Variants in TMF1 observed in about 807,000 individuals in gnomAD.
TMF1 encodes the protein TATA element modulatory factor.
TMF1 carries 71 observed loss-of-function variants against 126.5 expected under a neutral mutation model. That is an observed-to-expected ratio of 0.56 (90% CI 0.46 to 0.68). The LOEUF (loss-of-function observed/expected upper bound fraction) is 0.68. Ranked by LOEUF, TMF1 falls within the 30% of genes least tolerant of loss-of-function variation. TMF1 has a pLI of 0.00. For synonymous variants in TMF1, 461 were observed against 430.5 expected (o/e 1.07, Z -0.88); for missense variants, 1,259 against 1,253.2 (o/e 1.00, Z -0.07).
intron 10 of TMF1, chr3:69,030,628 GACAGAA>G (rs1190757032): frequency 2.0e-5 from 3 of 152,022 alleles, no homozygotes; most frequent in Non-Finnish European, 4.4e-5. Flanking sequence ...AAACGACATA[GACAGAA>G]ATTTCACCAT....
chr3:69,020,314 A>C lies in TMF1; in HGVS notation c.*2863T>G, dbSNP rs1360182178. 1.3e-5 allele frequency: 2 copies of C among 152,194 alleles called. No individual in the cohort carries two copies. The highest frequency in any genetic ancestry group is 6.5e-5 in the Admixed American group (1 of 15,288). The allele number at this position is 152,194 out of a possible 1,614,324, so 9.4% of individuals were successfully genotyped here. A position where few individuals can be genotyped will look rare whatever the true frequency, so the allele number is the denominator to read the frequency against. On this transcript the variant is annotated 3_prime_UTR_variant, in exon 17 of 17. Coordinates refer to ENST00000398559, the MANE Select transcript of TMF1 (RefSeq NM_007114.3). ...ATATATTTGGTACATTCCACATGCT[A>C]AACACTGTACAACTGGCAATTCTCA...
chr3:69,030,022 GAA>G lies in TMF1; in HGVS notation c.2402-17_2402-16del. 1 of 1,571,654 alleles carries G rather than the reference GAA, an allele frequency of 6.4e-7. No homozygotes were observed. On this transcript the variant is annotated splice_polypyrimidine_tract_variant and intron_variant, in intron 10 of 16. Transcript: ENST00000398559. ...CTGGGATTCACCTGATTACAGGACA[GAA>G]AAAAAAATCACATACACATACAGCC...
In TMF1 at chr3:69,043,802, T is replaced by C; in HGVS notation, c.1526A>G (p.Glu509Gly). The change falls in exon 4 of 17, where the codon GAA becomes GGA. Residue 509 changes from glutamate (E) to glycine (G), a missense_variant. Transcript: ENST00000398559. ...GGCTAGTTGAACTTTCTTTTCTGCT[T>C]CTGCAATTCTTTGAGTAAACTCATC... ...LKDEFTQRIA[E>G]AEKKVQLACK... is the part of the protein sequence containing the mutation. 1.9e-6 allele frequency: 3 copies of C among 1,612,734 alleles called. No individual in the cohort carries two copies. The highest frequency in any genetic ancestry group is 2.5e-6 in the Non-Finnish European group (3 of 1,179,402).
In TMF1 at chr3:69,039,708, G is replaced by A; in HGVS notation, c.1685-15C>T. 2 of 1,605,710 alleles carry A rather than the reference G, an allele frequency of 1.2e-6. No homozygotes were observed. The highest frequency in any genetic ancestry group is 1.7e-6 in the Non-Finnish European group (2 of 1,177,720). Reference sequence around the variant, plus strand: ...AAGTTTTTCTCCTGGTGATGGTAAAGAAGTATAAACTCAAATGATAACTAT... The same window carrying A: ...AAGTTTTTCTCCTGGTGATGGTAAAAAAGTATAAACTCAAATGATAACTAT... On this transcript the variant is annotated splice_polypyrimidine_tract_variant and intron_variant, in intron 5 of 16. Coordinates refer to ENST00000398559, the MANE Select transcript of TMF1 (RefSeq NM_007114.3).
intron 9 of TMF1, 183 bp downstream of exon 9, chr3:69,034,840 T>C: frequency 1.7e-6 from 1 of 598,828 alleles, no homozygotes; most frequent in Non-Finnish European, 3.0e-6. Context: ...AAATAAGGAA[T>C]TTCCTTGTAT....
chr3:69,048,677 T>C (rs1575821365), intron 1 of TMF1, 115 bp from the exon 2 acceptor site: 1 of 982,768 alleles, frequency 1.0e-6, no homozygotes, highest in Non-Finnish European at 1.4e-6. Flanking sequence ...ATGAAATACC[T>C]GTAATTTGCA....
chr3:69,033,803 T>TC, intron 9 of TMF1, 99 bp from the exon 10 acceptor site: 1 of 1,113,162 alleles, frequency 9.0e-7, no homozygotes, highest in Non-Finnish European at 1.3e-6. Flanking sequence ...AAAATTATTT[T>TC]TCCAAGAGAA....
chr3:69,042,576 C>A (rs1215088193), intron 5 of TMF1: 7 of 623,628 alleles, frequency 1.1e-5, no homozygotes, highest in Non-Finnish European at 2.1e-5. Flanking sequence ...GTCTATTTTA[C>A]AGGGACTTAC....
At chr3:69,039,399 G>T in intron 6 of TMF1, 152 bp downstream of exon 6, 1 of 901,050 alleles carries the variant, frequency 1.1e-6, no homozygotes, top group Non-Finnish European at 1.6e-6. Flanking sequence ...ACCCCACTCG[G>T]CTAAAAAATC....
Position 69,035,055 on chromosome 3 carries a change from A to C in TMF1, c.2212T>G (p.Tyr738Asp). 2 of 1,614,162 alleles carry C rather than the reference A, an allele frequency of 1.2e-6. No homozygotes were observed. The highest frequency in any genetic ancestry group is 2.7e-5 in the African/African-American group (2 of 75,050). ...AGTTCACCGATCTCATGGCGTAAAT[A>C]ATCCTCCTTTCTGGCAGCCGCTTGT... ...TEQAAARKED[Y>D]LRHEIGELQQ... Residue 738 changes from tyrosine to aspartate, a missense_variant, in exon 9 of 17, where the codon TAT (tyrosine) becomes GAT (aspartate). Physicochemically the swap from Tyr to Asp is radical, Grantham distance 160. Transcript: ENST00000398559.
chr3:69,044,697 T>A (rs368216364), intron 2 of TMF1, 102 bp from the exon 3 acceptor site: 24 of 674,596 alleles, frequency 3.6e-5, no homozygotes, highest in East Asian at 1.1e-4. Context: ...CTTTATCTCA[T>A]AAAAACAATC....
chr3:69,048,350 G>C lies in TMF1; in HGVS notation c.355C>G (p.Pro119Ala), dbSNP rs752085857. 2 of 1,614,168 alleles carry C rather than the reference G, an allele frequency of 1.2e-6. No homozygotes were observed. Among genetic ancestry groups the C allele is most frequent in the Non-Finnish European group, 1.7e-6 (2 of 1,180,018 alleles). Reference protein sequence around the residue: ...IQKSPVVSKPPAKSQRPEEEV... With the variant: ...IQKSPVVSKPAAKSQRPEEEV... ...TCTTCTGGTCGTTGTGATTTTGCTG[G>C]AGGTTTTGATACCACTGGACTCTTC... Residue 119 changes from proline (P) to alanine (A), a missense_variant, in exon 2 of 17, where the codon CCA becomes GCA. Pro to Ala is a conservative substitution (Grantham distance 27, BLOSUM62 -1). Coordinates refer to ENST00000398559, the MANE Select transcript of TMF1 (RefSeq NM_007114.3).
chr3:69,047,984 T>C lies in TMF1; in HGVS notation c.721A>G (p.Thr241Ala). 1 of 1,613,912 alleles carries C rather than the reference T, an allele frequency of 6.2e-7. No homozygotes were observed. The change falls in exon 2 of 17, where the codon ACA becomes GCA. Residue 241 changes from threonine (T) to alanine (A), a missense_variant. Transcript: ENST00000398559. Reference protein sequence around the residue: ...EQKHEDRQSNTPSPPVSTFSS... With the variant: ...EQKHEDRQSNAPSPPVSTFSS... ...AAGGTACTAACAGGAGGAGAAGGTG[T>C]ATTGCTCTGCCTGTCTTCATGTTTT...
rs1039480880 is a variant in TMF1, at chr3:69,022,524, T to C, written c.*653A>G. The C allele has an allele frequency of 2.0e-5, 3 of 152,598 alleles. No homozygotes were observed. Among genetic ancestry groups the C allele is most frequent in the Non-Finnish European group, 2.9e-5 (2 of 67,984 alleles). The allele number at this position is 152,598 out of a possible 1,614,324, so 9.5% of individuals were successfully genotyped here. A position where few individuals can be genotyped will look rare whatever the true frequency, so the allele number is the denominator to read the frequency against. On this transcript the variant is annotated 3_prime_UTR_variant, in exon 17 of 17. Coordinates refer to ENST00000398559, the MANE Select transcript of TMF1 (RefSeq NM_007114.3). ...AGGTACCAAAAGGTACCACATTTTA[T>C]ACAGACTTAATTGTGAAAGCTGGGT...
Position 69,052,264 on chromosome 3 carries a change from A to G in TMF1, c.-178T>C. The G allele has an allele frequency of 1.7e-6, 1 of 585,164 alleles. No individual in the cohort carries two copies. The highest frequency in any genetic ancestry group is 2.8e-6 in the Non-Finnish European group (1 of 353,892). The allele number at this position is 585,164 out of a possible 1,614,324, so 36.2% of individuals were successfully genotyped here. A position where few individuals can be genotyped will look rare whatever the true frequency, so the allele number is the denominator to read the frequency against. On this transcript the variant is annotated 5_prime_UTR_variant, in exon 1 of 17. Transcript: ENST00000398559. ...GGATGTTACCCTCGGCCGTTCCCGC[A>G]CAGCTGAGACGAAGGGGGCCCATGT...
In TMF1 at chr3:69,044,490, A is replaced by T; in HGVS notation, c.1451+2T>A. On this transcript the variant is annotated splice_donor_variant, in intron 3 of 16. Transcript: ENST00000398559. LOFTEE classifies it high-confidence loss of function. ...CATTATTCACATTTGCAGAATACTT[A>T]CTCTTTCAGGTTATCAAAAGCTTCT... is the stretch of plus-strand genomic sequence containing the variant. 1 of 1,515,140 alleles carries T rather than the reference A, an allele frequency of 6.6e-7. No individual in the cohort carries two copies. Among genetic ancestry groups the T allele is most frequent in the Non-Finnish European group, 9.1e-7 (1 of 1,104,834 alleles). The allele number at this position is 1,515,140 out of a possible 1,614,324, so 93.9% of individuals were successfully genotyped here.
At chr3:69,029,179 G>A (rs951251371) in intron 11 of TMF1, among the ~76,000 whole-genome samples, 4 of 151,628 alleles carry the variant, frequency 2.6e-5, no homozygotes, top group African/African-American at 4.8e-5. Flanking sequence ...AATTACAGGC[G>A]TCTGCCACCA....
rs1384265704 is a variant in TMF1 at position 69,031,856 on chromosome 3, G to A, written c.2401+1692C>T. Among the ~76,000 whole-genome samples, 7 of 152,162 alleles carry A rather than the reference G, an allele frequency of 4.6e-5. No individual in the cohort carries two copies. In the South Asian group the frequency reaches 1.2e-3, roughly 27 times the overall value. On this transcript the variant is annotated intron_variant, in intron 10 of 16. Transcript: ENST00000398559. ...CAATACCACATATTGCTGAGGGTATGTAGACTTCAGTCTAAAAACCACAAA... is the reference window on the plus strand; with the variant it reads ...CAATACCACATATTGCTGAGGGTATATAGACTTCAGTCTAAAAACCACAAA...
In TMF1 at chr3:69,025,661, T is replaced by C; in HGVS notation, c.2911A>G (p.Ser971Gly). 6.2e-7 allele frequency: 1 copy of C among 1,614,084 alleles called. No homozygotes were observed. Among genetic ancestry groups the C allele is most frequent in the Non-Finnish European group, 8.5e-7 (1 of 1,179,948 alleles). The change falls in exon 15 of 17, where the codon AGC becomes GGC. Residue 971 changes from serine (S) to glycine (G), a missense_variant. Transcript: ENST00000398559. ...ATCCTTACAGCATCATAAAGATTGC[T>C]TCCATTTGCTGATATAGGCATTGGT... Reference protein sequence around the residue: ...FGPMPISANGSNLYDAVRMGA... With the variant: ...FGPMPISANGGNLYDAVRMGA...
Sources: gnomAD v4.1 joint callset for allele counts (sites outside exome capture counted in the v4.1 genomes callset) on GRCh38, gnomAD v4.1.1 for gene constraint, MANE v1.5 for transcripts, NCBI Gene and HGNC (gene_info 2026-07-23, HGNC 2026-07-21) for gene names.